DIO2: variants seen among roughly 807,000 people sequenced by gnomAD.
DIO2 encodes iodothyronine deiodinase 2.
A neutral mutation model predicts 21.4 loss-of-function variants in DIO2; 19 were observed. The observed-to-expected ratio is 0.89, with a 90% CI of 0.62 to 1.30. The LOEUF is 1.30. Ranked by LOEUF, DIO2 falls within the 50% of genes most tolerant of loss-of-function variation. The probability of loss-of-function intolerance (pLI) is 0.00; values close to 1 mark genes in which losing one functional copy is unlikely to be tolerated. For missense variants in DIO2, 302 were observed against 338.1 expected (o/e 0.89, Z 0.84); for synonymous variants, 122 against 132.9 (o/e 0.92, Z 0.57).
At chr14:80,218,543 C>G (rs1279618499) in intron 2 of DIO2, among the ~76,000 whole-genome samples, 1 of 152,092 alleles carries the variant, frequency 6.6e-6, no homozygotes, top group Non-Finnish European at 1.5e-5. Context: ...TAAAAGCTGG[C>G]CAAATATTCC....
intron 1 of DIO2, chr14:80,205,737 T>A: frequency 1.6e-6 from 2 of 1,276,180 alleles, no homozygotes; most frequent in African/African-American, 3.2e-5. Context: ...ACTGTCAGTC[T>A]AAAATAAAAA....
At chr14:80,209,531 G>A (rs930971691) in intron 1 of DIO2, among the ~76,000 whole-genome samples, 1 of 152,054 alleles carries the variant, frequency 6.6e-6, no homozygotes, top group Non-Finnish European at 1.5e-5. Context: ...TCCTCCACCT[G>A]CCTCCAAATT....
rs895553439 is a variant in DIO2 at position 80,202,529 on chromosome 14, T to C, written c.*160A>G. ...ACTCAGCCCAATGCCATTTGAGTAG[T>C]GAAAGAAGTATGGAGCTGTTAGAGA... On this transcript the variant is annotated 3_prime_UTR_variant, in exon 2 of 2. Coordinates refer to ENST00000438257, the MANE Select transcript of DIO2 (RefSeq NM_013989.5). 20 of 779,496 alleles carry C rather than the reference T, an allele frequency of 2.6e-5. No individual in the cohort carries two copies. The highest frequency in any genetic ancestry group is 3.7e-5 in the Non-Finnish European group (18 of 485,108). 48.3% of individuals were successfully genotyped at this position (779,496 alleles called of 1,614,324 possible).
At chr14:80,205,556 G>C in intron 1 of DIO2, 1 of 1,247,572 alleles carries the variant, frequency 8.0e-7, no homozygotes, top group Non-Finnish European at 1.0e-6. Context: ...TTATTCAACT[G>C]AATAATCTAA....
At chr14:80,208,740 A>G (rs979233263) in intron 1 of DIO2, among the ~76,000 whole-genome samples, 1 of 152,236 alleles carries the variant, frequency 6.6e-6, no homozygotes. Flanking sequence ...GAAGTGATTC[A>G]ACCTGGTTGA....
At position 80,199,118 on chromosome 14, in the gene DIO2, C is replaced by A. The variant is rs1708176043; in HGVS notation, c.*3571G>T. On this transcript the variant is annotated 3_prime_UTR_variant, in exon 2 of 2. Transcript: ENST00000438257. ...CATGCTGAGGACACCTTGTAATCCA[C>A]CTTTGAATTTTCCCGAAGGCATACA... 6.6e-6 allele frequency: 1 copy of A among 152,242 alleles called. No individual in the cohort carries two copies. Among genetic ancestry groups the A allele is most frequent in the African/African-American group, 2.4e-5 (1 of 41,454 alleles). The allele number at this position is 152,242 out of a possible 1,614,324, so 9.4% of individuals were successfully genotyped here.
upstream of DIO2, among the ~76,000 whole-genome samples, chr14:80,215,153 G>A (rs542613924): frequency 5.3e-5 from 8 of 152,264 alleles, no homozygotes; most frequent in East Asian, 1.9e-4. Flanking sequence ...GCAAACCAAC[G>A]AGGGGCATGT....
At chr14:80,230,434 G>T (rs1273580926) in intron 2 of DIO2, among the ~76,000 whole-genome samples, 3 of 152,142 alleles carry the variant, frequency 2.0e-5, no homozygotes, top group Non-Finnish European at 4.4e-5. Context: ...AATCTTAGCA[G>T]ATTTGAGGCT....
chr14:80,220,544 A>T (rs1353146043), intron 2 of DIO2, among the ~76,000 whole-genome samples: 2 of 152,242 alleles, frequency 1.3e-5, no homozygotes, highest in Non-Finnish European at 2.9e-5. Flanking sequence ...ACATTTTCAT[A>T]AAACATGCTG....
chr14:80,205,746 A>G, intron 1 of DIO2: 1 of 1,270,960 alleles, frequency 7.9e-7, no homozygotes. Flanking sequence ...CTAAAATAAA[A>G]AAATTAGGAA....
chr14:80,209,329 T>C (rs1359920466), intron 1 of DIO2, among the ~76,000 whole-genome samples: 2 of 151,906 alleles, frequency 1.3e-5, no homozygotes, highest in Non-Finnish European at 1.5e-5. Flanking sequence ...TATATGTATA[T>C]AAGTAAAATT....
At chr14:80,221,424 A>G (rs960607532) in intron 2 of DIO2, among the ~76,000 whole-genome samples, 2 of 152,358 alleles carry the variant, frequency 1.3e-5, no homozygotes, top group Admixed American at 6.5e-5. Flanking sequence ...AAAGGTAGAG[A>G]CAGATAAAAA....
At position 80,209,488 on chromosome 14, in the gene DIO2, CTAAT is replaced by C. The variant is rs543599446; in HGVS notation, c.222+1759_222+1762del. Among the ~76,000 whole-genome samples the C allele has an allele frequency of 1.4e-4, 22 of 152,168 alleles. No homozygotes were observed. The South Asian group carries it at 4.6e-3, about 32-fold the overall frequency. On this transcript the variant is annotated intron_variant, in intron 1 of 1. Transcript: ENST00000438257. ...AATATGATGTTGAAGAGGGAACTTC[CTAAT>C]TAATAATATGTCTGATATACTTGTG...
intron 1 of DIO2, chr14:80,206,402 T>C: frequency 1.1e-6 from 1 of 880,238 alleles, no homozygotes; most frequent in Non-Finnish European, 1.7e-6. Context: ...AAGAAAATAT[T>C]CTAAAAGGAT....
intron 2 of DIO2, among the ~76,000 whole-genome samples, chr14:80,224,110 T>G (rs1006659166): frequency 1.4e-4 from 22 of 152,162 alleles, no homozygotes; most frequent in Non-Finnish European, 2.5e-4. Flanking sequence ...TAGCATTAAA[T>G]CATGTAATCT....
At chr14:80,221,638 T>C (rs1888467520) in intron 2 of DIO2, among the ~76,000 whole-genome samples, 1 of 152,168 alleles carries the variant, frequency 6.6e-6, no homozygotes, top group African/African-American at 2.4e-5. Flanking sequence ...GTCATAAGAA[T>C]CTGACAACTG....
intron 1 of DIO2, chr14:80,206,371 T>C (rs1790696141): frequency 8.1e-7 from 1 of 1,227,702 alleles, no homozygotes; most frequent in East Asian, 2.6e-5. Flanking sequence ...TTTTTAGATA[T>C]GGAAGTTTCC....
intron 2 of DIO2, among the ~76,000 whole-genome samples, chr14:80,227,571 G>C (rs1027425061): frequency 3.3e-5 from 5 of 152,178 alleles, no homozygotes; most frequent in African/African-American, 1.2e-4. Context: ...ATCTGCAGAA[G>C]ATGGCAGGGC....
chr14:80,205,795 A>T, intron 1 of DIO2: 1 of 1,079,758 alleles, frequency 9.3e-7, no homozygotes. Flanking sequence ...GGGGGGATTT[A>T]GCATTTTGTT....
Sources: gnomAD v4.1 joint callset for allele counts (sites outside exome capture counted in the v4.1 genomes callset) on GRCh38, gnomAD v4.1.1 for gene constraint, MANE v1.5 for transcripts, NCBI Gene and HGNC (gene_info 2026-07-23, HGNC 2026-07-21) for gene names.